Variants in PCDHGA1 observed in about 807,000 individuals in gnomAD.
PCDHGA1 encodes protocadherin gamma subfamily A, 1, also known as protocadherin gamma-A1.
In PCDHGA1, 32 loss-of-function variants were observed where a neutral mutation model predicts 58.0. The ratio of observed to expected loss-of-function variants is 0.55; its 90% CI spans 0.42 to 0.74. The LOEUF (loss-of-function observed/expected upper bound fraction) is 0.74. Ranked by LOEUF, PCDHGA1 falls within the 30% of genes least tolerant of loss-of-function variation. The pLI is 0.00. For missense variants in PCDHGA1, 1,205 were observed against 1,182.3 expected, an observed-to-expected ratio of 1.02 and a Z score of -0.28; for synonymous variants, 498 against 501.1, an observed-to-expected ratio of 0.99 and a Z score of 0.08.
chr5:141,472,145 A>C (rs1376068421), intron 1 of PCDHGA1, among the ~76,000 whole-genome samples: 1 of 152,244 alleles, frequency 6.6e-6, no homozygotes, highest in Non-Finnish European at 1.5e-5. Context: ...TAAAAGTTTC[A>C]TGGTTACATA....
At chr5:141,434,609 G>A (rs189866750) in intron 1 of PCDHGA1, among the ~76,000 whole-genome samples, 11 of 152,064 alleles carry the variant, frequency 7.2e-5, no homozygotes, top group Non-Finnish European at 1.3e-4. Context: ...CTTTATTTCC[G>A]CCCATCTCTT....
chr5:141,506,025 A>T (rs2099850088), intron 3 of PCDHGA1, among the ~76,000 whole-genome samples: 1 of 152,150 alleles, frequency 6.6e-6, no homozygotes, highest in African/African-American at 2.4e-5. Context: ...CCCTAACTCC[A>T]GAGTAGGATT....
At chr5:141,464,189 C>T (rs1215955823) in intron 1 of PCDHGA1, among the ~76,000 whole-genome samples, 1 of 150,620 alleles carries the variant, frequency 6.6e-6, no homozygotes, top group Non-Finnish European at 1.5e-5. Context: ...TGCTTGATTT[C>T]AGGAGGCGGA....
intron 1 of PCDHGA1, among the ~76,000 whole-genome samples, chr5:141,439,431 G>A (rs2154558488): frequency 6.6e-6 from 1 of 152,298 alleles, no homozygotes; most frequent in Non-Finnish European, 1.5e-5. Flanking sequence ...AAATTCCCAG[G>A]AATATTTTAT....
chr5:141,500,144 C>T (rs2099796717), intron 2 of PCDHGA1, among the ~76,000 whole-genome samples: 1 of 151,426 alleles, frequency 6.6e-6, no homozygotes, highest in South Asian at 2.1e-4. Context: ...CTAAACTTTT[C>T]TTTGTGTAAT....
In PCDHGA1 at chr5:141,432,446, C is replaced by T. The variant is rs765059815; in HGVS notation, c.2422-62361C>T. The T allele has an allele frequency of 1.2e-6, 2 of 1,614,256 alleles. No individual in the cohort carries two copies. Among genetic ancestry groups the T allele is most frequent in the Non-Finnish European group, 8.5e-7 (1 of 1,180,052 alleles). On this transcript the variant is annotated intron_variant, in intron 1 of 3. Transcript: ENST00000517417. The surrounding 1 kb of genome is among the most constrained non-coding windows in gnomAD (Gnocchi z 6.0). ...CCAGAACGACAATGCGCCCGAGATC[C>T]TGTACCCCGCCCTCCCCACGGACGG...
Position 141,410,070 on chromosome 5 carries a change from C to A in PCDHGA1, c.2421+76965C>A, listed in dbSNP as rs1368179504. On this transcript the variant is annotated intron_variant, in intron 1 of 3. Transcript: ENST00000517417. ...GGACTCTTCAGCCTGGGGCTGCGCA[C>A]TGGGGAGGTGCGCACGGCTCGAGCC... 6.2e-7 allele frequency: 1 copy of A among 1,612,806 alleles called. No homozygotes were observed. The highest frequency in any genetic ancestry group is 1.3e-5 in the African/African-American group (1 of 74,938).
intron 1 of PCDHGA1, chr5:141,405,481 G>A: frequency 2.0e-6 from 2 of 992,130 alleles, no homozygotes; most frequent in Middle Eastern, 2.6e-4. Context: ...ATGCAGTGGT[G>A]TGATCTCGGC....
At chr5:141,478,838 T>C (rs1439577444) in intron 1 of PCDHGA1, 1 of 1,426,484 alleles carries the variant, frequency 7.0e-7, no homozygotes, top group Non-Finnish European at 9.2e-7. Flanking sequence ...TAAGGGATGG[T>C]TAAGCTAAAA....
In PCDHGA1 at chr5:141,486,645, C is replaced by G. The variant is rs369948556; in HGVS notation, c.2422-8162C>G. ...GACTCTGGCTTGAATGCGCTTATCT[C>G]CTACTCACTCCTGGAGCCCAGGAAT... On this transcript the variant is annotated intron_variant, in intron 1 of 3. Coordinates refer to ENST00000517417, the MANE Select transcript of PCDHGA1 (RefSeq NM_018912.3). The surrounding 1 kb of genome is among the most constrained non-coding windows in gnomAD (Gnocchi z 5.0). 4.3e-6 allele frequency: 7 copies of G among 1,613,752 alleles called. No individual in the cohort carries two copies. The Admixed American group carries it at 6.7e-5, about 15-fold the overall frequency.
Position 141,489,252 on chromosome 5 carries a change from G to A in PCDHGA1, c.2422-5555G>A. 2 of 1,547,622 alleles carry A rather than the reference G, an allele frequency of 1.3e-6. No individual in the cohort carries two copies. Among genetic ancestry groups the A allele is most frequent in the Non-Finnish European group, 1.7e-6 (2 of 1,147,198 alleles). On this transcript the variant is annotated intron_variant, in intron 1 of 3. Coordinates refer to ENST00000517417, the MANE Select transcript of PCDHGA1 (RefSeq NM_018912.3). The surrounding 1 kb of genome is among the most constrained non-coding windows in gnomAD (Gnocchi z 4.5). ...GGGACTTCTGGGTCATGGGGCCCAAGACACTCCCACAGCTCGCTGGGAAAT... is the reference window on the plus strand; with the variant it reads ...GGGACTTCTGGGTCATGGGGCCCAAAACACTCCCACAGCTCGCTGGGAAAT...
At chr5:141,411,880 A>G (rs1030232942) in intron 1 of PCDHGA1, 2 of 152,240 alleles carry the variant, frequency 1.3e-5, no homozygotes, top group African/African-American at 4.8e-5. Flanking sequence ...GACATTTCTA[A>G]GAAATAAATG....
rs576594507 is a variant in PCDHGA1, at chr5:141,397,831, A to T, written c.2421+64726A>T. On this transcript the variant is annotated intron_variant, in intron 1 of 3. Transcript: ENST00000517417. ...CACAAAAACAATTACTGCACTGGTT[A>T]ACTTGAAGCCGCAGAGGCTGTAGTT... 9.5e-4 allele frequency among the ~76,000 whole-genome samples: 145 copies of T among 152,360 alleles called. 1 individual carries two copies. The highest frequency in any genetic ancestry group is 1.8e-3 in the Non-Finnish European group (124 of 68,036).
intron 1 of PCDHGA1, chr5:141,356,530 G>A: frequency 1.2e-6 from 2 of 1,613,812 alleles, no homozygotes; most frequent in Non-Finnish European, 1.7e-6. Flanking sequence ...GCAAGTGATG[G>A]ACATCAATGA....
chr5:141,337,092 T>G (rs749868327), intron 1 of PCDHGA1, among the ~76,000 whole-genome samples: 76 of 143,068 alleles, frequency 5.3e-4, no homozygotes, highest in Admixed American at 2.3e-3. Flanking sequence ...TACTCCACAT[T>G]CATTAGAATT....
chr5:141,415,740 G>GTTTTTTTTTTT (rs57426385), intron 1 of PCDHGA1: 102 of 625,036 alleles, frequency 1.6e-4, no homozygotes, highest in Admixed American at 2.1e-4. Context: ...GTTTATTAAG[G>GTTTTTTTTTTT]TTTTTTTTTT....
chr5:141,335,246 AT>A (rs985329977), intron 1 of PCDHGA1, among the ~76,000 whole-genome samples: 2 of 152,202 alleles, frequency 1.3e-5, no homozygotes, highest in African/African-American at 4.8e-5. Context: ...ACATTTACCT[AT>A]TAAAGGACAA....
chr5:141,431,318 G>C lies in PCDHGA1; in HGVS notation c.2422-63489G>C. 1 of 1,614,086 alleles carries C rather than the reference G, an allele frequency of 6.2e-7. No homozygotes were observed. Among genetic ancestry groups the C allele is most frequent in the African/African-American group, 1.3e-5 (1 of 75,050 alleles). On this transcript the variant is annotated intron_variant, in intron 1 of 3. Transcript: ENST00000517417. The surrounding 1 kb of genome is among the most constrained non-coding windows in gnomAD (Gnocchi z 4.8). ...CTCCCTCATCGTGCAAAATGGAGCC[G>C]ACGGTAGTAAGTACCCCGAATTGGT...
chr5:141,365,800 C>A, intron 1 of PCDHGA1: 1 of 1,613,914 alleles, frequency 6.2e-7, no homozygotes, highest in Middle Eastern at 1.6e-4. Flanking sequence ...TCACCTACTC[C>A]CTGGCTGAAG....
Sources: allele counts gnomAD v4.1 joint callset (sites outside exome capture counted in the v4.1 genomes callset), GRCh38; gene constraint gnomAD v4.1.1; non-coding constraint Gnocchi (gnomAD v3.1); transcripts MANE v1.5; gene names NCBI Gene and HGNC (gene_info 2026-07-23, HGNC 2026-07-21).